The following CDH13 variants were observed in gnomAD, a reference collection of about 807,000 sequenced individuals.
CDH13 encodes cadherin-13.
Under a neutral mutation model 63.8 loss-of-function variants are expected in CDH13, and 24 were observed. That is an observed-to-expected ratio of 0.38 (90% confidence interval 0.27 to 0.53). The LOEUF (loss-of-function observed/expected upper bound fraction) is 0.53. CDH13 is among the 20% of genes least tolerant of loss of function. CDH13 has a pLI of 0.85. For missense variants in CDH13, 1,049 were observed against 903.1 expected, an observed-to-expected ratio of 1.16 and a Z score of -2.07; for synonymous variants, 503 against 355.3, an observed-to-expected ratio of 1.42 and a Z score of -4.67.
chr16:82,857,317 A>C (rs970018050), intron 1 of CDH13, among the ~76,000 whole-genome samples: 1 of 152,208 alleles, frequency 6.6e-6, no homozygotes, highest in Non-Finnish European at 1.5e-5. Context: ...TAATGGCCAA[A>C]TACTAAGGGC....
At chr16:83,487,776 G>C (rs2073924218) in intron 7 of CDH13, among the ~76,000 whole-genome samples, 1 of 152,148 alleles carries the variant, frequency 6.6e-6, no homozygotes, top group African/African-American at 2.4e-5. Context: ...GGGGCTCTGT[G>C]CATTTCCCCC....
intron 7 of CDH13, among the ~76,000 whole-genome samples, chr16:83,600,573 C>T (rs539281248): frequency 3.3e-5 from 5 of 152,270 alleles, no homozygotes; most frequent in African/African-American, 1.2e-4. Flanking sequence ...GGACATCCTC[C>T]ATTGCTTTTT....
At chr16:83,338,354 C>T (rs2090646748) in intron 5 of CDH13, among the ~76,000 whole-genome samples, 1 of 152,088 alleles carries the variant, frequency 6.6e-6, no homozygotes, top group Non-Finnish European at 1.5e-5. Flanking sequence ...GACAGATGGC[C>T]AGAGCTCAGG....
intron 3 of CDH13, among the ~76,000 whole-genome samples, chr16:83,082,897 G>A (rs1439344183): frequency 1.3e-5 from 2 of 152,208 alleles, no homozygotes; most frequent in African/African-American, 4.8e-5. Flanking sequence ...TTGTTTTTCA[G>A]GCCATGCAAA....
At chr16:82,994,350 T>C (rs529529385) in intron 2 of CDH13, among the ~76,000 whole-genome samples, 3 of 152,170 alleles carry the variant, frequency 2.0e-5, no homozygotes, top group Non-Finnish European at 4.4e-5. Context: ...AGATTCCATG[T>C]TGCTCTCTGA....
intron 10 of CDH13, chr16:83,721,575 G>A (rs1382510240): frequency 6.6e-6 from 1 of 152,230 alleles, no homozygotes; most frequent in Non-Finnish European, 1.5e-5. Flanking sequence ...GTCTGAGCAA[G>A]GGACTCTTTG....
chr16:82,767,289 G>A (rs1025367175), intron 1 of CDH13, among the ~76,000 whole-genome samples: 2 of 152,146 alleles, frequency 1.3e-5, no homozygotes, highest in East Asian at 1.9e-4. Flanking sequence ...AGCCTCTTCC[G>A]AGTCAATTCT....
chr16:83,390,456 C>CCT, intron 6 of CDH13, among the ~76,000 whole-genome samples: 1 of 149,178 alleles, frequency 6.7e-6, no homozygotes, highest in African/African-American at 2.5e-5. Context: ...TTTACAAATA[C>CCT]TTTTTTTTTT....
chr16:82,843,347 C>T (rs886809962), intron 1 of CDH13, among the ~76,000 whole-genome samples: 12 of 152,288 alleles, frequency 7.9e-5, no homozygotes, highest in Admixed American at 7.8e-4. Flanking sequence ...TGTTCAAATT[C>T]CTTTTAATTC....
chr16:83,525,149 G>T (rs1374250559), intron 7 of CDH13, among the ~76,000 whole-genome samples: 1 of 152,114 alleles, frequency 6.6e-6, no homozygotes, highest in Non-Finnish European at 1.5e-5. Context: ...ACTCCAGTTG[G>T]CTCTATCTGT....
chr16:82,812,821 TC>T lies in CDH13; in HGVS notation c.46-45539del, dbSNP rs558474438. On this transcript the variant is annotated intron_variant, in intron 1 of 13. Transcript: ENST00000567109. ...TTCTCTTCCTTCCTTTTTCCTTCCT[TC>T]CTTCCTCCCTTCCTTCCTCCCTTCT... Among the ~76,000 whole-genome samples the T allele has an allele frequency of 3.5e-3, 533 of 151,926 alleles. 3 individuals carry two copies. The highest frequency in any genetic ancestry group is 0.012 in the African/African-American group (500 of 41,386).
At chr16:83,076,337 A>G (rs2032833210) in intron 3 of CDH13, among the ~76,000 whole-genome samples, 1 of 152,210 alleles carries the variant, frequency 6.6e-6, no homozygotes, top group African/African-American at 2.4e-5. Context: ...TGTCTGGATC[A>G]GAATCCATTG....
At chr16:83,774,563 AG>A (rs1914978959) in intron 11 of CDH13, among the ~76,000 whole-genome samples, 1 of 152,152 alleles carries the variant, frequency 6.6e-6, no homozygotes, top group African/African-American at 2.4e-5. Context: ...TAGTAGAGAC[AG>A]GGTTTCGCCA....
At chr16:83,442,772 G>T (rs886900837) in intron 6 of CDH13, among the ~76,000 whole-genome samples, 1 of 152,232 alleles carries the variant, frequency 6.6e-6, no homozygotes, top group African/African-American at 2.4e-5. Context: ...AGAAAGGCAT[G>T]GAGAAGATGT....
At chr16:83,724,225 A>G (rs1176084555) in intron 10 of CDH13, among the ~76,000 whole-genome samples, 1 of 121,822 alleles carries the variant, frequency 8.2e-6, no homozygotes, top group Non-Finnish European at 2.0e-5. Flanking sequence ...TGATGAATGC[A>G]TGGATGAATG....
chr16:83,478,851 AAAG>A (rs2073682691), intron 6 of CDH13, among the ~76,000 whole-genome samples: 1 of 150,810 alleles, frequency 6.6e-6, no homozygotes. Context: ...AAAAAAAAAA[AAAG>A]AAAAAAAGAA....
intron 8 of CDH13, among the ~76,000 whole-genome samples, chr16:83,635,564 G>T (rs1008051773): frequency 1.3e-5 from 2 of 151,696 alleles, no homozygotes; most frequent in Admixed American, 6.6e-5. Flanking sequence ...GGCTGGTCTC[G>T]AACTCCTGAC....
intron 4 of CDH13, among the ~76,000 whole-genome samples, chr16:83,168,865 C>G (rs1481306987): frequency 6.6e-6 from 1 of 152,078 alleles, no homozygotes; most frequent in Admixed American, 6.6e-5. Context: ...TTAATGTCCA[C>G]ATAAGAAAAC....
chr16:83,305,317 A>C (rs1484291240), intron 5 of CDH13, among the ~76,000 whole-genome samples: 1 of 152,168 alleles, frequency 6.6e-6, no homozygotes, highest in African/African-American at 2.4e-5. Flanking sequence ...ATTTATCAAC[A>C]TCTGTTTCTA....
Sources: allele counts gnomAD v4.1 joint callset (sites outside exome capture counted in the v4.1 genomes callset), GRCh38; gene constraint gnomAD v4.1.1; transcripts MANE v1.5; gene names NCBI Gene and HGNC (gene_info 2026-07-23, HGNC 2026-07-21).